The following ZEB1 variants were observed in gnomAD, a reference collection of about 807,000 sequenced individuals.
ZEB1 encodes zinc finger E-box-binding homeobox 1.
In ZEB1, 21 loss-of-function variants were observed where a neutral mutation model predicts 84.9. The ratio of observed to expected loss-of-function variants is 0.25; its 90% CI spans 0.18 to 0.36. The LOEUF (loss-of-function observed/expected upper bound fraction) is 0.36. Ranked by LOEUF, ZEB1 falls within the 10% of genes least tolerant of loss-of-function variation. ZEB1 has a pLI of 1.00. For missense variants in ZEB1, 1,104 were observed against 1,330.2 expected (o/e 0.83, Z 2.65); for synonymous variants, 420 against 471.1 (o/e 0.89, Z 1.41).
chr10:31,478,714 G>A (rs1233789980), intron 2 of ZEB1, among the ~76,000 whole-genome samples: 1 of 151,830 alleles, frequency 6.6e-6, no homozygotes, highest in African/African-American at 2.4e-5. Flanking sequence ...TTTCTACATG[G>A]ATGGAGCTGG....
At chr10:31,379,447 G>C (rs1003135491) in intron 1 of ZEB1, among the ~76,000 whole-genome samples, 1 of 151,426 alleles carries the variant, frequency 6.6e-6, no homozygotes, top group Admixed American at 6.6e-5. Context: ...CTCTCTGTGT[G>C]TGTATATATA....
At chr10:31,364,038 C>T (rs906142356) in intron 1 of ZEB1, among the ~76,000 whole-genome samples, 15 of 152,290 alleles carry the variant, frequency 9.8e-5, no homozygotes, top group African/African-American at 3.1e-4. Flanking sequence ...ATACGCTTAG[C>T]GAGTTGCCCA....
intron 1 of ZEB1, among the ~76,000 whole-genome samples, chr10:31,385,298 C>T (rs986306410): frequency 1.1e-4 from 17 of 152,254 alleles, no homozygotes; most frequent in Middle Eastern, 3.4e-3. Context: ...AAATGAAATG[C>T]ACCATACACA....
chr10:31,495,147 A>G (rs1344678446), intron 2 of ZEB1, among the ~76,000 whole-genome samples: 1 of 152,030 alleles, frequency 6.6e-6, no homozygotes, highest in Non-Finnish European at 1.5e-5. Flanking sequence ...TAATAACGGC[A>G]TGTCTTTGGG....
At chr10:31,478,081 A>G (rs1438932329) in intron 2 of ZEB1, among the ~76,000 whole-genome samples, 1 of 152,050 alleles carries the variant, frequency 6.6e-6, no homozygotes, top group Non-Finnish European at 1.5e-5. Context: ...AACCTACAGA[A>G]TGAGAGAAAA....
intron 2 of ZEB1, among the ~76,000 whole-genome samples, chr10:31,488,127 T>TA (rs964758929): frequency 8.6e-5 from 13 of 150,984 alleles, no homozygotes; most frequent in African/African-American, 2.2e-4. Flanking sequence ...ATCCTGGCCT[T>TA]AAAAAAAATA....
chr10:31,360,238 G>T (rs531617587), intron 1 of ZEB1, among the ~76,000 whole-genome samples: 1 of 152,242 alleles, frequency 6.6e-6, no homozygotes, highest in African/African-American at 2.4e-5. Flanking sequence ...GGTAGTTATT[G>T]TAAGAAGGAT....
chr10:31,492,821 T>C (rs2066718918), intron 2 of ZEB1, among the ~76,000 whole-genome samples: 1 of 151,986 alleles, frequency 6.6e-6, no homozygotes, highest in African/African-American at 2.4e-5. Flanking sequence ...ACATTTTCCA[T>C]CCTTGTTTTT....
At chr10:31,499,627 T>C (rs2067816877) in intron 3 of ZEB1, among the ~76,000 whole-genome samples, 1 of 152,086 alleles carries the variant, frequency 6.6e-6, no homozygotes, top group Admixed American at 6.5e-5. Flanking sequence ...TAACCAGGCA[T>C]GGTGATGCAC....
intron 1 of ZEB1, among the ~76,000 whole-genome samples, chr10:31,389,035 A>G (rs2135157578): frequency 6.6e-6 from 1 of 152,266 alleles, no homozygotes; most frequent in Non-Finnish European, 1.5e-5. Flanking sequence ...ACTTTAGAAA[A>G]GAAAAGTTTA....
intron 2 of ZEB1, among the ~76,000 whole-genome samples, chr10:31,482,391 T>C (rs1436786623): frequency 6.6e-6 from 1 of 151,770 alleles, no homozygotes; most frequent in Non-Finnish European, 1.5e-5. Context: ...ACAAACAGAT[T>C]GGATTATCAA....
chr10:31,326,931 A>G (rs1265847823), intron 1 of ZEB1, among the ~76,000 whole-genome samples: 1 of 151,996 alleles, frequency 6.6e-6, no homozygotes, highest in African/African-American at 2.4e-5. Context: ...TTCAGCTCCC[A>G]TTCACTCTAT....
rs570868974 is a variant in ZEB1 at position 31,478,371 on chromosome 10, C to A, written c.259+17134C>A. Among the ~76,000 whole-genome samples, 143 of 151,916 alleles carry A rather than the reference C, an allele frequency of 9.4e-4. 2 individuals are homozygous for A. Among genetic ancestry groups the A allele is most frequent in the African/African-American group, 3.4e-3 (140 of 41,516 alleles). ...AAAACAACAGATGTTGGCATGGATGCAGAGAGAAGGGTATTCTTATACACT... is the reference window on the plus strand; with the variant it reads ...AAAACAACAGATGTTGGCATGGATGAAGAGAGAAGGGTATTCTTATACACT... On this transcript the variant is annotated intron_variant, in intron 2 of 8. Coordinates refer to ENST00000424869, the MANE Select transcript of ZEB1 (RefSeq NM_001174096.2).
intron 1 of ZEB1, among the ~76,000 whole-genome samples, chr10:31,416,730 G>T (rs2055278341): frequency 6.6e-6 from 1 of 152,100 alleles, no homozygotes; most frequent in African/African-American, 2.4e-5. Flanking sequence ...AATAAATTCA[G>T]TTGCACATTT....
intron 1 of ZEB1, among the ~76,000 whole-genome samples, chr10:31,444,760 TC>T (rs1334978801): frequency 6.6e-6 from 1 of 151,912 alleles, no homozygotes; most frequent in Middle Eastern, 3.2e-3. Context: ...TCTGTTCTGT[TC>T]CATTGATCTA....
At chr10:31,457,530 A>T (rs1428929823) in intron 1 of ZEB1, among the ~76,000 whole-genome samples, 1 of 152,020 alleles carries the variant, frequency 6.6e-6, no homozygotes, top group African/African-American at 2.4e-5. Context: ...GATTTTTCCC[A>T]TTTTATGACA....
chr10:31,453,290 T>C (rs913061330), intron 1 of ZEB1, among the ~76,000 whole-genome samples: 2 of 152,158 alleles, frequency 1.3e-5, no homozygotes, highest in African/African-American at 4.8e-5. Context: ...CGGACAAGAA[T>C]TGAAGCCCTC....
At chr10:31,333,709 T>C (rs2037328788) in intron 1 of ZEB1, among the ~76,000 whole-genome samples, 3 of 151,976 alleles carry the variant, frequency 2.0e-5, no homozygotes, top group Admixed American at 2.0e-4. Flanking sequence ...TAAGTGCAAA[T>C]ATATTAGTAA....
intron 1 of ZEB1, among the ~76,000 whole-genome samples, chr10:31,411,622 G>A (rs1481817730): frequency 8.0e-6 from 1 of 124,294 alleles, no homozygotes; most frequent in Non-Finnish European, 1.6e-5. Context: ...CTGGGCGACA[G>A]AGCGAGACTC....
Sources: allele counts gnomAD v4.1 joint callset (sites outside exome capture counted in the v4.1 genomes callset), GRCh38; gene constraint gnomAD v4.1.1; transcripts MANE v1.5; gene names NCBI Gene and HGNC (gene_info 2026-07-23, HGNC 2026-07-21).